FGGY: variants seen among roughly 807,000 people sequenced by gnomAD.
The protein encoded by FGGY is FGGY carbohydrate kinase domain containing.
Under a neutral mutation model 71.3 loss-of-function variants are expected in FGGY, and 72 were observed. The ratio of observed to expected loss-of-function variants is 1.01; its 90% CI spans 0.84 to 1.23. The LOEUF (loss-of-function observed/expected upper bound fraction) is 1.23. Among genes scored for constraint, FGGY ranks in the 50% most tolerant of loss-of-function variants. The pLI is 0.00. For missense variants in FGGY, 668 were observed against 682.3 expected, an observed-to-expected ratio of 0.98 and a Z score of 0.23; for synonymous variants, 251 against 250.3, an observed-to-expected ratio of 1.00 and a Z score of -0.02.
intron 7 of FGGY, among the ~76,000 whole-genome samples, chr1:59,536,958 AC>A (rs1490560299): frequency 6.6e-6 from 1 of 152,018 alleles, no homozygotes; most frequent in East Asian, 1.9e-4. Flanking sequence ...GCCCTCTCTC[AC>A]CACTCCTATT....
chr1:59,467,942 T>C (rs1297765094), intron 6 of FGGY, among the ~76,000 whole-genome samples: 2 of 152,078 alleles, frequency 1.3e-5, no homozygotes, highest in African/African-American at 4.8e-5. Flanking sequence ...TCTCTCTTGT[T>C]GCCCAGGCTG....
chr1:59,512,858 AG>A (rs1160743585), intron 7 of FGGY, among the ~76,000 whole-genome samples: 1 of 152,196 alleles, frequency 6.6e-6, no homozygotes, highest in Non-Finnish European at 1.5e-5. Flanking sequence ...CCTTGGCTGC[AG>A]TCTTGATTTT....
chr1:59,452,622 G>A (rs2091295547), intron 5 of FGGY, among the ~76,000 whole-genome samples: 1 of 152,150 alleles, frequency 6.6e-6, no homozygotes, highest in African/African-American at 2.4e-5. Context: ...ATTGATAAAT[G>A]CTATTTTGAC....
At chr1:59,499,299 G>GTTTTTTTTGTTT (rs2094146588) in intron 6 of FGGY, among the ~76,000 whole-genome samples, 1 of 105,804 alleles carries the variant, frequency 9.5e-6, no homozygotes, top group Admixed American at 1.1e-4. Context: ...TACTATGTTT[G>GTTTTTTTTGTTT]TTTTTTTTTT....
chr1:59,729,379 T>C (rs2097995049), intron 14 of FGGY, among the ~76,000 whole-genome samples: 1 of 152,210 alleles, frequency 6.6e-6, no homozygotes, highest in East Asian at 1.9e-4. Context: ...TTCTGATTCT[T>C]GCTTTCTCTC....
intron 7 of FGGY, among the ~76,000 whole-genome samples, chr1:59,530,409 A>G (rs1383352719): frequency 6.6e-6 from 1 of 152,258 alleles, no homozygotes; most frequent in Non-Finnish European, 1.5e-5. Context: ...TACTAAAGAT[A>G]TAAATATGAA....
At position 59,482,634 on chromosome 1, in the gene FGGY, G is replaced by A. The variant is rs61786967; in HGVS notation, c.670+25558G>A. On this transcript the variant is annotated intron_variant, in intron 6 of 15. Transcript: ENST00000303721. The stretch of plus-strand genomic sequence containing the variant: ...CATATGTGTGTGTGTGTGTCTGTGT[G>A]TATATATATATATATATAAACACCA... 3.5e-4 allele frequency among the ~76,000 whole-genome samples: 52 copies of A among 147,544 alleles called. 1 individual carries two copies. The highest frequency in any genetic ancestry group is 1.1e-3 in the African/African-American group (45 of 39,974).
intron 4 of FGGY, among the ~76,000 whole-genome samples, chr1:59,354,374 C>A (rs149368922): frequency 6.6e-5 from 10 of 152,286 alleles, no homozygotes; most frequent in Admixed American, 6.5e-4. Flanking sequence ...CCACTGTGCC[C>A]AGCCTAATTA....
At chr1:59,323,722 A>G (rs188940907) in intron 2 of FGGY, among the ~76,000 whole-genome samples, 38 of 152,310 alleles carry the variant, frequency 2.5e-4, no homozygotes, top group Admixed American at 7.8e-4. Context: ...TAAAATGGAA[A>G]TGACATTAGT....
At chr1:59,632,520 T>G (rs1337421720) in intron 10 of FGGY, among the ~76,000 whole-genome samples, 1 of 152,176 alleles carries the variant, frequency 6.6e-6, no homozygotes, top group Admixed American at 6.5e-5. Context: ...GTCCTCTATA[T>G]CGCGAATCGC....
chr1:59,653,539 C>CT (rs561747548), intron 11 of FGGY, among the ~76,000 whole-genome samples: 2,613 of 152,306 alleles, frequency 0.017, 46 homozygotes, highest in Non-Finnish European at 0.027. Context: ...TCACCCCTTT[C>CT]TTTGACTCGG....
intron 1 of FGGY, chr1:59,318,579 A>G (rs1229409928): frequency 6.6e-6 from 1 of 152,118 alleles, no homozygotes; most frequent in Non-Finnish European, 1.5e-5. Flanking sequence ...TTATCATATT[A>G]CTCTCTTCAT....
chr1:59,722,974 T>A (rs1025889001), intron 14 of FGGY, among the ~76,000 whole-genome samples: 1 of 152,134 alleles, frequency 6.6e-6, no homozygotes, highest in Non-Finnish European at 1.5e-5. Flanking sequence ...TTTTTTTGTA[T>A]TTTTAGTAGA....
At chr1:59,538,454 G>C (rs2095374988) in intron 7 of FGGY, among the ~76,000 whole-genome samples, 1 of 151,562 alleles carries the variant, frequency 6.6e-6, no homozygotes, top group Admixed American at 6.6e-5. Flanking sequence ...CAGGGATCTA[G>C]AACTAGAAAT....
intron 6 of FGGY, among the ~76,000 whole-genome samples, chr1:59,466,682 A>G (rs1572515012): frequency 6.6e-6 from 1 of 152,338 alleles, no homozygotes; most frequent in Admixed American, 6.5e-5. Flanking sequence ...AACCCCATCA[A>G]AAAGTGGGCA....
intron 7 of FGGY, among the ~76,000 whole-genome samples, chr1:59,535,145 A>T (rs1423785615): frequency 9.8e-5 from 15 of 152,314 alleles, no homozygotes; most frequent in African/African-American, 2.9e-4. Flanking sequence ...AGATCTACCT[A>T]GCAAATGGAA....
intron 14 of FGGY, among the ~76,000 whole-genome samples, chr1:59,751,000 A>T (rs898446794): frequency 3.6e-4 from 55 of 152,224 alleles, no homozygotes; most frequent in African/African-American, 1.3e-3. Flanking sequence ...GCTAATAAGC[A>T]GCAGAAGTAG....
At chr1:59,403,599 G>A (rs1405050338) in intron 5 of FGGY, among the ~76,000 whole-genome samples, 1 of 152,132 alleles carries the variant, frequency 6.6e-6, no homozygotes, top group Non-Finnish European at 1.5e-5. Context: ...GGGTATGGGG[G>A]CCACCTGGCA....
intron 12 of FGGY, among the ~76,000 whole-genome samples, chr1:59,665,335 A>G (rs1213460276): frequency 5.3e-5 from 8 of 152,124 alleles, no homozygotes; most frequent in African/African-American, 1.7e-4. Flanking sequence ...TAAACACACT[A>G]CATCTGTAGA....
Sources: gnomAD v4.1 joint callset for allele counts (sites outside exome capture counted in the v4.1 genomes callset) on GRCh38, gnomAD v4.1.1 for gene constraint, MANE v1.5 for transcripts, NCBI Gene and HGNC (gene_info 2026-07-23, HGNC 2026-07-21) for gene names.